Variants in NXPH1 observed in about 807,000 individuals in gnomAD.
NXPH1 encodes the protein neurexophilin 1.
A neutral mutation model predicts 23.7 loss-of-function variants in NXPH1; 5 were observed. The observed-to-expected ratio is 0.21, with a 90% CI of 0.11 to 0.44. The LOEUF (loss-of-function observed/expected upper bound fraction) is 0.44, where lower values mean the gene tolerates loss of function less well. Ranked by LOEUF, NXPH1 falls within the 20% of genes least tolerant of loss-of-function variation. The pLI is 0.99. For missense variants in NXPH1, 324 were observed against 321.6 expected, an observed-to-expected ratio of 1.01 and a Z score of -0.06; for synonymous variants, 144 against 122.2, an observed-to-expected ratio of 1.18 and a Z score of -1.18.
intron 2 of NXPH1, among the ~76,000 whole-genome samples, chr7:8,538,058 A>G (rs1818056350): frequency 6.6e-6 from 1 of 151,964 alleles, no homozygotes; most frequent in African/African-American, 2.4e-5. Flanking sequence ...TTTGGCTAAG[A>G]TCAAGTGTAA....
At chr7:8,689,530 A>C (rs574314054) in intron 2 of NXPH1, among the ~76,000 whole-genome samples, 13 of 152,194 alleles carry the variant, frequency 8.5e-5, no homozygotes, top group South Asian at 2.1e-4. Context: ...TGAAGTTTCT[A>C]GAACCCAGAA....
chr7:8,688,661 C>T (rs1001583401), intron 2 of NXPH1, among the ~76,000 whole-genome samples: 1 of 152,140 alleles, frequency 6.6e-6, no homozygotes, highest in African/African-American at 2.4e-5. Flanking sequence ...CTTCTTTTCA[C>T]TTATAAGGCT....
rs74518735 is a variant in NXPH1, at chr7:8,504,045, T to A, written c.54+68278T>A. ...GCTATTCAGTGTTTCCTCAACTTTG[T>A]TTCTGCCCTGCCCCTGCTTCATTTC... On this transcript the variant is annotated intron_variant, in intron 2 of 2. Coordinates refer to ENST00000405863, the MANE Select transcript of NXPH1 (RefSeq NM_152745.3). 4.6e-4 allele frequency among the ~76,000 whole-genome samples: 70 copies of A among 152,118 alleles called. No individual in the cohort carries two copies. The East Asian group carries it at 9.9e-3, about 22-fold the overall frequency.
intron 2 of NXPH1, among the ~76,000 whole-genome samples, chr7:8,537,559 T>C (rs138161293): frequency 1.3e-5 from 2 of 152,048 alleles, no homozygotes; most frequent in East Asian, 3.9e-4. Context: ...ACCACCCCCA[T>C]GATTCAGTTA....
chr7:8,486,643 T>A (rs1817163662), intron 2 of NXPH1, among the ~76,000 whole-genome samples: 1 of 152,128 alleles, frequency 6.6e-6, no homozygotes, highest in Admixed American at 6.6e-5. Flanking sequence ...CCATGCTGGA[T>A]CCAGCCCTGC....
rs183716183 is a variant in NXPH1, at chr7:8,459,121, C to A, written c.54+23354C>A. On this transcript the variant is annotated intron_variant, in intron 2 of 2. Coordinates refer to ENST00000405863, the MANE Select transcript of NXPH1 (RefSeq NM_152745.3). Reference sequence around the variant, plus strand: ...TTTTCTTCCAAGGAGAAGGAGTTAACTTAATGAACATCTTGGGTTGTCTCT... The same window carrying A: ...TTTTCTTCCAAGGAGAAGGAGTTAAATTAATGAACATCTTGGGTTGTCTCT... Among the ~76,000 whole-genome samples, 1,004 of 151,180 alleles carry A rather than the reference C, an allele frequency of 6.6e-3. 4 individuals are homozygous for A. The highest frequency in any genetic ancestry group is 9.5e-3 in the Non-Finnish European group (642 of 67,738).
At chr7:8,703,572 T>G (rs1167665287) in intron 2 of NXPH1, among the ~76,000 whole-genome samples, 1 of 152,076 alleles carries the variant, frequency 6.6e-6, no homozygotes, top group Non-Finnish European at 1.5e-5. Context: ...GCTTATAGTA[T>G]GCAGTGGCGC....
chr7:8,524,185 T>G (rs1017692451), intron 2 of NXPH1, among the ~76,000 whole-genome samples: 4 of 132,328 alleles, frequency 3.0e-5, no homozygotes, highest in Non-Finnish European at 6.1e-5. Flanking sequence ...GAGGTTGCAG[T>G]GAGTGGAGAT....
rs1387135510 is a variant in NXPH1 at position 8,574,899 on chromosome 7, T to C, written c.54+139132T>C. On this transcript the variant is annotated intron_variant, in intron 2 of 2. Coordinates refer to ENST00000405863, the MANE Select transcript of NXPH1 (RefSeq NM_152745.3). ...TAGATAAGACTTTAAAAAATAGGGA[T>C]AAAAATGCACTGATGGTTTGAAATA... 4.6e-5 allele frequency among the ~76,000 whole-genome samples: 7 copies of C among 152,244 alleles called. No homozygotes were observed. The East Asian group carries it at 1.2e-3, about 25-fold the overall frequency.
chr7:8,460,633 T>C (rs994671459), intron 2 of NXPH1, among the ~76,000 whole-genome samples: 1 of 152,176 alleles, frequency 6.6e-6, no homozygotes, highest in Admixed American at 6.5e-5. Flanking sequence ...TCCCTCTAGA[T>C]GAGTAGAAAG....
At chr7:8,450,574 C>A (rs941750526) in intron 2 of NXPH1, among the ~76,000 whole-genome samples, 1 of 152,186 alleles carries the variant, frequency 6.6e-6, no homozygotes, top group East Asian at 1.9e-4. Flanking sequence ...GACACTTTTG[C>A]CCCAAGTGGA....
chr7:8,463,925 T>C (rs1482156318), intron 2 of NXPH1, among the ~76,000 whole-genome samples: 5 of 152,312 alleles, frequency 3.3e-5, no homozygotes, highest in Non-Finnish European at 7.4e-5. Flanking sequence ...TGCATCTTTG[T>C]CTGTCATTTG....
At chr7:8,616,540 A>G (rs995269848) in intron 2 of NXPH1, among the ~76,000 whole-genome samples, 1 of 152,094 alleles carries the variant, frequency 6.6e-6, no homozygotes, top group Non-Finnish European at 1.5e-5. Context: ...CCTTGAAGGT[A>G]CTAGGAACTC....
At chr7:8,540,897 C>G (rs1339526373) in intron 2 of NXPH1, among the ~76,000 whole-genome samples, 1 of 151,734 alleles carries the variant, frequency 6.6e-6, no homozygotes, top group Non-Finnish European at 1.5e-5. Context: ...ACCTTCCCAA[C>G]AAATCATAAA....
At chr7:8,625,067 T>G (rs1049614554) in intron 2 of NXPH1, among the ~76,000 whole-genome samples, 3 of 152,188 alleles carry the variant, frequency 2.0e-5, no homozygotes, top group Non-Finnish European at 4.4e-5. Flanking sequence ...CATATTGTAG[T>G]GTCATTTTCA....
At chr7:8,618,445 G>T (rs564721781) in intron 2 of NXPH1, among the ~76,000 whole-genome samples, 1 of 152,128 alleles carries the variant, frequency 6.6e-6, no homozygotes, top group African/African-American at 2.4e-5. Flanking sequence ...GCCAATGAGC[G>T]TAAAGGTAAT....
chr7:8,737,854 C>T (rs907041445), intron 2 of NXPH1, among the ~76,000 whole-genome samples: 1 of 152,080 alleles, frequency 6.6e-6, no homozygotes, highest in Non-Finnish European at 1.5e-5. Context: ...TTTCTCTAAT[C>T]TTGTCTTCAC....
chr7:8,720,044 T>A (rs1271335908), intron 2 of NXPH1, among the ~76,000 whole-genome samples: 19 of 152,176 alleles, frequency 1.2e-4, no homozygotes. Flanking sequence ...AAGCACCTGG[T>A]GTATTATGAA....
intron 2 of NXPH1, among the ~76,000 whole-genome samples, chr7:8,696,669 T>C (rs2189631): frequency 0.74 from 111,564 of 151,706 alleles, 41,124 homozygotes; most frequent in East Asian, 0.91. Context: ...TTGTCTTTTA[T>C]CAGAAAGAAG....
Sources: allele counts gnomAD v4.1 joint callset (sites outside exome capture counted in the v4.1 genomes callset), GRCh38; gene constraint gnomAD v4.1.1; transcripts MANE v1.5; gene names NCBI Gene and HGNC (gene_info 2026-07-23, HGNC 2026-07-21).